KIF6: variants seen among roughly 807,000 people sequenced by gnomAD.
KIF6 encodes kinesin family member 6.
In KIF6, 106 loss-of-function variants were observed where a neutral mutation model predicts 112.7. The ratio of observed to expected loss-of-function variants is 0.94; its 90% confidence interval spans 0.80 to 1.11. The LOEUF is 1.11. KIF6 is among the 50% of genes least tolerant of loss of function. The pLI is 0.00. For missense variants in KIF6, 929 were observed against 964.0 expected (o/e 0.96, Z 0.48); for synonymous variants, 339 against 339.9 (o/e 1.00, Z 0.03).
rs1024612778 is a variant in KIF6, at chr6:39,423,355, CT to C, written c.1755-3353del. On this transcript the variant is annotated intron_variant, in intron 14 of 22. Coordinates refer to ENST00000287152, the MANE Select transcript of KIF6 (RefSeq NM_145027.6). ...CTTCCAAGGGCCCCGGCTCTTCTGT[CT>C]TTTTCCCCCTCTCTCTGGCACCTCC... 4.9e-4 allele frequency among the ~76,000 whole-genome samples: 74 copies of C among 152,128 alleles called. 1 individual carries two copies. The highest frequency in any genetic ancestry group is 1.7e-3 in the African/African-American group (70 of 41,424).
At chr6:39,594,255 T>C (rs1582224411) in intron 7 of KIF6, among the ~76,000 whole-genome samples, 1 of 151,782 alleles carries the variant, frequency 6.6e-6, no homozygotes, top group African/African-American at 2.4e-5. Flanking sequence ...CTTGAGTGAT[T>C]ACAATTGGTG....
At chr6:39,654,147 C>T (rs921027734) in intron 3 of KIF6, among the ~76,000 whole-genome samples, 3 of 152,068 alleles carry the variant, frequency 2.0e-5, no homozygotes, top group African/African-American at 7.2e-5. Flanking sequence ...TTGAGATGAA[C>T]AGGTGGGGAA....
At chr6:39,433,603 T>G (rs112599897) in intron 13 of KIF6, among the ~76,000 whole-genome samples, 219 of 152,360 alleles carry the variant, frequency 1.4e-3, no homozygotes, top group African/African-American at 5.0e-3. Flanking sequence ...AGTTCTTTGA[T>G]TGTGGTGACC....
At chr6:39,682,583 C>A (rs564761848) in intron 3 of KIF6, among the ~76,000 whole-genome samples, 17 of 151,932 alleles carry the variant, frequency 1.1e-4, no homozygotes, top group Non-Finnish European at 2.4e-4. Context: ...TAGATAATTT[C>A]TTTTTATTTT....
At chr6:39,410,891 C>T (rs1769427244) in intron 15 of KIF6, among the ~76,000 whole-genome samples, 1 of 152,200 alleles carries the variant, frequency 6.6e-6, no homozygotes, top group Non-Finnish European at 1.5e-5. Flanking sequence ...CCCTTTGCTG[C>T]CTAGGTGACC....
chr6:39,554,117 A>T (rs1582121513), intron 10 of KIF6: 1 of 157,960 alleles, frequency 6.3e-6, no homozygotes, highest in Non-Finnish European at 1.4e-5. Flanking sequence ...ACTGAGCTCA[A>T]GGCAGAGATC....
intron 3 of KIF6, among the ~76,000 whole-genome samples, chr6:39,663,951 A>G (rs1786306797): frequency 6.6e-6 from 1 of 151,904 alleles, no homozygotes; most frequent in African/African-American, 2.4e-5. Flanking sequence ...TAAATAAGCC[A>G]ATAAACATGT....
chr6:39,713,338 G>T (rs1254252148), intron 3 of KIF6, among the ~76,000 whole-genome samples: 1 of 152,216 alleles, frequency 6.6e-6, no homozygotes, highest in African/African-American at 2.4e-5. Flanking sequence ...TTAGCAAATA[G>T]AAGTCATAGT....
Position 39,486,231 on chromosome 6 carries a change from A to G in KIF6, c.1645+53772T>C, listed in dbSNP as rs1056405266. Among the ~76,000 whole-genome samples, 6 of 152,216 alleles carry G rather than the reference A, an allele frequency of 3.9e-5. 1 individual carries two copies. In the Middle Eastern group the frequency reaches 0.02, roughly 518 times the overall value. ...GCTTTTCAGAAGACTAGCAATTTCC[A>G]TTTCTTTCCTCTGGGAAACTTGAGC... On this transcript the variant is annotated intron_variant, in intron 13 of 22. Transcript: ENST00000287152.
chr6:39,629,758 GCAAACCCAAGGC>G (rs1784267620), intron 5 of KIF6, among the ~76,000 whole-genome samples: 1 of 151,752 alleles, frequency 6.6e-6, no homozygotes, highest in African/African-American at 2.4e-5. Flanking sequence ...AAACTCATTG[GCAAACCCAAGGC>G]CATCTGGATT....
At chr6:39,712,448 G>A (rs752593575) in intron 3 of KIF6, among the ~76,000 whole-genome samples, 18 of 152,202 alleles carry the variant, frequency 1.2e-4, no homozygotes, top group East Asian at 3.9e-4. Context: ...CTTGCCTGTC[G>A]TTTTTGAAAC....
At chr6:39,338,548 G>GATGGTC (rs751471336) in intron 22 of KIF6, among the ~76,000 whole-genome samples, 5 of 152,310 alleles carry the variant, frequency 3.3e-5, no homozygotes, top group Non-Finnish European at 7.4e-5. Context: ...CCGAGCCTAT[G>GATGGTC]ATGGTCATGT....
intron 12 of KIF6, 146 bp from the exon 13 acceptor site, chr6:39,540,367 T>A: frequency 1.7e-6 from 1 of 604,718 alleles, no homozygotes. Flanking sequence ...TGAAGCCCCA[T>A]ATATAGCAAT....
At chr6:39,406,832 T>G (rs1769120832) in intron 15 of KIF6, among the ~76,000 whole-genome samples, 1 of 152,180 alleles carries the variant, frequency 6.6e-6, no homozygotes, top group Non-Finnish European at 1.5e-5. Flanking sequence ...CACTGTAGCC[T>G]CAAACTCCTG....
chr6:39,409,549 C>A (rs1232288203), intron 15 of KIF6, among the ~76,000 whole-genome samples: 1 of 152,224 alleles, frequency 6.6e-6, no homozygotes, highest in Non-Finnish European at 1.5e-5. Flanking sequence ...TTCACTATCT[C>A]CTCTGAAGGT....
Position 39,346,537 on chromosome 6 carries a change from T to G in KIF6, c.2181-11A>C. The G allele has an allele frequency of 1.4e-6, 1 of 705,432 alleles. No homozygotes were observed. The highest frequency in any genetic ancestry group is 2.6e-6 in the Non-Finnish European group (1 of 383,596). 43.7% of individuals were successfully genotyped at this position (705,432 alleles called of 1,614,324 possible). ...TCCCAGCCTCCAGAACTGTGAAAAA[T>G]AAACGTTTGTTGTTTGAGCCACTCA... On this transcript the variant is annotated splice_polypyrimidine_tract_variant and intron_variant, in intron 19 of 22. Transcript: ENST00000287152.
At chr6:39,455,751 G>C (rs932510563) in intron 13 of KIF6, among the ~76,000 whole-genome samples, 5 of 152,094 alleles carry the variant, frequency 3.3e-5, no homozygotes, top group African/African-American at 1.2e-4. Flanking sequence ...GATGCGATCA[G>C]CTGAAAGAAA....
intron 6 of KIF6, among the ~76,000 whole-genome samples, chr6:39,601,271 C>T (rs773121946): frequency 6.6e-6 from 1 of 152,086 alleles, no homozygotes; most frequent in Non-Finnish European, 1.5e-5. Context: ...TGTATCTCCC[C>T]CAGTAGCCAA....
At chr6:39,524,653 C>T (rs1224536084) in intron 13 of KIF6, among the ~76,000 whole-genome samples, 1 of 152,156 alleles carries the variant, frequency 6.6e-6, no homozygotes, top group Admixed American at 6.5e-5. Flanking sequence ...AGGCCCTGTC[C>T]CCAGCCATAA....
Sources: gnomAD v4.1 joint callset for allele counts (sites outside exome capture counted in the v4.1 genomes callset) on GRCh38, gnomAD v4.1.1 for gene constraint, MANE v1.5 for transcripts, NCBI Gene and HGNC (gene_info 2026-07-23, HGNC 2026-07-21) for gene names.